Variants in UBE2E2 observed in about 807,000 individuals in gnomAD.
UBE2E2 encodes the protein ubiquitin-conjugating enzyme E2 E2.
UBE2E2 carries 6 observed loss-of-function variants against 24.7 expected under a neutral mutation model. The observed-to-expected ratio is 0.24, with a 90% CI of 0.13 to 0.48. The LOEUF (loss-of-function observed/expected upper bound fraction) is 0.48, where lower values mean the gene tolerates loss of function less well. UBE2E2 is among the 20% of genes least tolerant of loss of function. The probability of loss-of-function intolerance (pLI) is 0.99; values close to 1 mark genes in which losing one functional copy is unlikely to be tolerated. For synonymous variants in UBE2E2, 104 were observed against 83.6 expected, an observed-to-expected ratio of 1.24 and a Z score of -1.33; for missense variants, 169 against 245.0, an observed-to-expected ratio of 0.69 and a Z score of 2.07.
chr3:23,469,726 G>A (rs1698995022), intron 3 of UBE2E2, among the ~76,000 whole-genome samples: 1 of 152,184 alleles, frequency 6.6e-6, no homozygotes, highest in African/African-American at 2.4e-5. Flanking sequence ...CAAGTTCAAA[G>A]AGAATATAAC....
At chr3:23,367,644 G>A (rs1246534836) in intron 3 of UBE2E2, among the ~76,000 whole-genome samples, 1 of 152,040 alleles carries the variant, frequency 6.6e-6, no homozygotes, top group African/African-American at 2.4e-5. Context: ...TTAAGTATTT[G>A]TGTGAGTTCC....
chr3:23,373,439 A>G (rs919281186), intron 3 of UBE2E2, among the ~76,000 whole-genome samples: 2 of 152,180 alleles, frequency 1.3e-5, no homozygotes, highest in African/African-American at 4.8e-5. Context: ...CTGTAGTTCA[A>G]GATTCCACTA....
chr3:23,278,777 AAAG>A (rs1698423566), intron 3 of UBE2E2, among the ~76,000 whole-genome samples: 1 of 152,168 alleles, frequency 6.6e-6, no homozygotes, highest in Non-Finnish European at 1.5e-5. Flanking sequence ...AGAATAATAA[AAAG>A]AATTGATTCA....
rs535441695 is a variant in UBE2E2 at position 23,266,381 on chromosome 3, G to T, written c.227+49069G>T. 1.6e-4 allele frequency among the ~76,000 whole-genome samples: 25 copies of T among 152,204 alleles called. No homozygotes were observed. The East Asian group carries it at 2.1e-3, about 13-fold the overall frequency. On this transcript the variant is annotated intron_variant, in intron 3 of 5. Transcript: ENST00000396703. ...TCTCAGCATTTGCTTGTCTGTAAAG[G>T]ATTTTATTTCTCCTTCACTTATGAA...
At chr3:23,568,713 A>G (rs1696146767) in intron 5 of UBE2E2, among the ~76,000 whole-genome samples, 2 of 137,684 alleles carry the variant, frequency 1.5e-5, no homozygotes, top group East Asian at 2.2e-4. Context: ...ATATACATGT[A>G]TATACACATA....
chr3:23,546,763 G>C (rs1019318416), intron 5 of UBE2E2, among the ~76,000 whole-genome samples: 2 of 151,750 alleles, frequency 1.3e-5, no homozygotes, highest in Non-Finnish European at 2.9e-5. Context: ...ATGAGCCACC[G>C]CGCCCGGCAA....
chr3:23,462,525 G>A (rs541804056), intron 3 of UBE2E2, among the ~76,000 whole-genome samples: 1 of 152,068 alleles, frequency 6.6e-6, no homozygotes, highest in Non-Finnish European at 1.5e-5. Context: ...GAATCCTCAT[G>A]TTTCTTCACC....
intron 3 of UBE2E2, among the ~76,000 whole-genome samples, chr3:23,446,244 G>A (rs1169992634): frequency 6.6e-6 from 1 of 152,184 alleles, no homozygotes; most frequent in South Asian, 2.1e-4. Context: ...AGATTTGAGA[G>A]ATGCAAAAAC....
At chr3:23,447,302 A>T (rs1698455246) in intron 3 of UBE2E2, among the ~76,000 whole-genome samples, 1 of 152,198 alleles carries the variant, frequency 6.6e-6, no homozygotes, top group South Asian at 2.1e-4. Context: ...GGGTGAAAGG[A>T]AGTGAAAGAA....
chr3:23,479,580 T>C (rs1220789245), intron 3 of UBE2E2, among the ~76,000 whole-genome samples: 2 of 152,300 alleles, frequency 1.3e-5, no homozygotes, highest in African/African-American at 4.8e-5. Flanking sequence ...ATTACAGCTC[T>C]TTCAGTCTCA....
At chr3:23,427,328 G>A (rs1323923223) in intron 3 of UBE2E2, among the ~76,000 whole-genome samples, 2 of 151,918 alleles carry the variant, frequency 1.3e-5, no homozygotes, top group African/African-American at 4.8e-5. Context: ...TATTTGGGAG[G>A]CAGAGGCAGG....
intron 1 of UBE2E2, among the ~76,000 whole-genome samples, chr3:23,207,529 T>G (rs1696182806): frequency 6.6e-6 from 1 of 152,368 alleles, no homozygotes; most frequent in Non-Finnish European, 1.5e-5. Context: ...TTTAGAATCA[T>G]GCAGTCATGC....
intron 3 of UBE2E2, among the ~76,000 whole-genome samples, chr3:23,376,060 G>A (rs1209555744): frequency 6.6e-6 from 1 of 152,060 alleles, no homozygotes; most frequent in Non-Finnish European, 1.5e-5. Flanking sequence ...TATTCTAATT[G>A]CAGTATTTTA....
chr3:23,321,367 T>C (rs1302921469), intron 3 of UBE2E2, among the ~76,000 whole-genome samples: 1 of 152,034 alleles, frequency 6.6e-6, no homozygotes, highest in Non-Finnish European at 1.5e-5. Context: ...TACTTGTTTG[T>C]GAAGACGATA....
At chr3:23,467,521 C>T (rs1309027570) in intron 3 of UBE2E2, among the ~76,000 whole-genome samples, 1 of 152,208 alleles carries the variant, frequency 6.6e-6, no homozygotes, top group East Asian at 1.9e-4. Context: ...ATGGGCCTAA[C>T]AATCCTTACT....
chr3:23,250,097 G>A (rs753199976), intron 3 of UBE2E2, among the ~76,000 whole-genome samples: 3 of 152,072 alleles, frequency 2.0e-5, no homozygotes, highest in Non-Finnish European at 4.4e-5. Context: ...GAGCTTTATG[G>A]ATGCTAGTTC....
rs1285843855 is a variant in UBE2E2 at position 23,270,137 on chromosome 3, T to C, written c.227+52825T>C. Among the ~76,000 whole-genome samples, 3 of 136,566 alleles carry C rather than the reference T, an allele frequency of 2.2e-5. No individual in the cohort carries two copies. In the Admixed American group the frequency reaches 2.4e-4, roughly 11 times the overall value. 89.6% of individuals were successfully genotyped at this position (136,566 alleles called of 152,430 possible). A position where few individuals can be genotyped will look rare whatever the true frequency, so the allele number is the denominator to read the frequency against. On this transcript the variant is annotated intron_variant, in intron 3 of 5. Transcript: ENST00000396703. ...GTCCTTGACTGTGGTCAAGACTCTT[T>C]CCACCCCCCTCCTCCTTTTTTTTTT...
chr3:23,218,233 C>G (rs17012823), intron 3 of UBE2E2, among the ~76,000 whole-genome samples: 4,625 of 152,140 alleles, frequency 0.03, 123 homozygotes, highest in East Asian at 0.14. Flanking sequence ...AGGAAAAATT[C>G]TAATAGGACT....
At chr3:23,220,149 A>G (rs1223601799) in intron 3 of UBE2E2, among the ~76,000 whole-genome samples, 2 of 152,198 alleles carry the variant, frequency 1.3e-5, no homozygotes, top group Non-Finnish European at 2.9e-5. Context: ...AGGCATTTTT[A>G]GAGGAAGTTA....
Sources: allele counts gnomAD v4.1 joint callset (sites outside exome capture counted in the v4.1 genomes callset), GRCh38; gene constraint gnomAD v4.1.1; transcripts MANE v1.5; gene names NCBI Gene and HGNC (gene_info 2026-07-23, HGNC 2026-07-21).